The following PCDHGA4 variants were observed in gnomAD, a reference collection of about 807,000 sequenced individuals.
PCDHGA4 encodes the protein protocadherin gamma subfamily A, 4, also known as protocadherin gamma-A4.
A neutral mutation model predicts 54.6 loss-of-function variants in PCDHGA4; 38 were observed. The ratio of observed to expected loss-of-function variants is 0.70; its 90% confidence interval spans 0.54 to 0.91. The LOEUF is 0.91. Ranked by LOEUF, PCDHGA4 falls within the 40% of genes least tolerant of loss-of-function variation. PCDHGA4 has a pLI of 0.00. For missense variants in PCDHGA4, 1,298 were observed against 1,220.9 expected (o/e 1.06, Z -0.94); for synonymous variants, 511 against 512.9 (o/e 1.00, Z 0.05).
chr5:141,506,832 C>T (rs1398190563), intron 3 of PCDHGA4, among the ~76,000 whole-genome samples: 1 of 152,130 alleles, frequency 6.6e-6, no homozygotes, highest in African/African-American at 2.4e-5. Flanking sequence ...GAACTGATAG[C>T]CCTGCCCTCC....
chr5:141,370,350 A>G (rs1454225178), intron 1 of PCDHGA4: 1 of 1,496,326 alleles, frequency 6.7e-7, no homozygotes, highest in Non-Finnish European at 9.0e-7. Flanking sequence ...TTATTTAAAG[A>G]TCTCCTCTCC....
chr5:141,438,471 A>C (rs1019238906), intron 1 of PCDHGA4, among the ~76,000 whole-genome samples: 4 of 151,396 alleles, frequency 2.6e-5, no homozygotes, highest in Admixed American at 2.6e-4. Flanking sequence ...CAATTATTGG[A>C]AAGTGGTCTC....
rs758013542 is a variant in PCDHGA4 at position 141,418,314 on chromosome 5, C to A, written c.2514+60693C>A. 9 of 1,613,988 alleles carry A rather than the reference C, an allele frequency of 5.6e-6. No homozygotes were observed. In the East Asian group the frequency reaches 1.3e-4, roughly 24 times the overall value. On this transcript the variant is annotated intron_variant, in intron 1 of 3. Coordinates refer to ENST00000571252, the MANE Select transcript of PCDHGA4 (RefSeq NM_018917.4). ...GAATCCGTCAGCCTGGGGATGGGAACAATTCTTGAGTCTGCAGAAGATCCT... is the reference window on the plus strand; with the variant it reads ...GAATCCGTCAGCCTGGGGATGGGAAAAATTCTTGAGTCTGCAGAAGATCCT...
Position 141,491,902 on chromosome 5 carries a change from G to C in PCDHGA4, c.2515-2905G>C. On this transcript the variant is annotated intron_variant, in intron 1 of 3. Transcript: ENST00000571252. This position sits in a 1 kb window ranked among gnomAD's most constrained non-coding sequence, Gnocchi z 6.9. ...AGGGATGGGGCTCCGAGCACCGGGG[G>C]TGGTGGCGACTGTGGGCGAGGGGAG... 7.0e-7 allele frequency: 1 copy of C among 1,429,002 alleles called. No individual in the cohort carries two copies. Among genetic ancestry groups the C allele is most frequent in the Non-Finnish European group, 9.3e-7 (1 of 1,079,426 alleles). The allele number at this position is 1,429,002 out of a possible 1,614,324, so 88.5% of individuals were successfully genotyped here. A position where few individuals can be genotyped will look rare whatever the true frequency, so the allele number is the denominator to read the frequency against.
At chr5:141,430,687 T>A in intron 1 of PCDHGA4, 3 of 1,399,922 alleles carry the variant, frequency 2.1e-6, no homozygotes, top group Non-Finnish European at 9.5e-7. Flanking sequence ...TGTCCCATTC[T>A]ATGGGCGAAG....
At chr5:141,422,897 A>AT (rs778069795) in intron 1 of PCDHGA4, 4 of 1,614,212 alleles carry the variant, frequency 2.5e-6, no homozygotes, top group Non-Finnish European at 3.4e-6. Flanking sequence ...CTGGACCAGA[A>AT]CGACAATGCG....
At chr5:141,365,645 C>G in intron 1 of PCDHGA4, 1 of 1,613,572 alleles carries the variant, frequency 6.2e-7, no homozygotes, top group East Asian at 2.2e-5. Flanking sequence ...AAGCCACATC[C>G]CCTTGAAAGT....
chr5:141,449,854 T>C (rs769118919), intron 1 of PCDHGA4, among the ~76,000 whole-genome samples: 7 of 151,974 alleles, frequency 4.6e-5, no homozygotes, highest in South Asian at 4.1e-4. Context: ...ATTTTAATAA[T>C]AAAAATCAGA....
intron 1 of PCDHGA4, among the ~76,000 whole-genome samples, chr5:141,447,725 C>T (rs1009407606): frequency 1.3e-5 from 2 of 152,174 alleles, no homozygotes; most frequent in African/African-American, 4.8e-5. Context: ...TTTTCCAAAA[C>T]TCATTGAACT....
At chr5:141,403,772 A>G in intron 1 of PCDHGA4, 1 of 1,613,960 alleles carries the variant, frequency 6.2e-7, no homozygotes, top group Middle Eastern at 1.7e-4. Flanking sequence ...TGAGGGAATC[A>G]ACGGAAAAGT....
In PCDHGA4 at chr5:141,486,223, C is replaced by G. The variant is rs1164723634; in HGVS notation, c.2515-8584C>G. ...ACGTAAATGACAATGCCCCTTACATCACAGTGACCTCAGAGCTTGGAACCC... is the reference window on the plus strand; with the variant it reads ...ACGTAAATGACAATGCCCCTTACATGACAGTGACCTCAGAGCTTGGAACCC... On this transcript the variant is annotated intron_variant, in intron 1 of 3. Coordinates refer to ENST00000571252, the MANE Select transcript of PCDHGA4 (RefSeq NM_018917.4). The surrounding 1 kb of genome is among the most constrained non-coding windows in gnomAD (Gnocchi z 5.0). The G allele has an allele frequency of 6.2e-7, 1 of 1,614,148 alleles. No homozygotes were observed. Among genetic ancestry groups the G allele is most frequent in the Admixed American group, 1.7e-5 (1 of 60,032 alleles).
At chr5:141,394,733 G>A (rs1353984219) in intron 1 of PCDHGA4, 1 of 1,613,324 alleles carries the variant, frequency 6.2e-7, no homozygotes, top group South Asian at 1.1e-5. Flanking sequence ...CGCTCAAGCA[G>A]AGCCTCGTGG....
intron 1 of PCDHGA4, among the ~76,000 whole-genome samples, chr5:141,449,103 A>G (rs1033077737): frequency 2.0e-5 from 3 of 152,206 alleles, no homozygotes; most frequent in African/African-American, 7.2e-5. Context: ...CATATGCAGT[A>G]TATCTTTGGG....
rs1317717658 is a variant in PCDHGA4, at chr5:141,476,494, G to A, written c.2515-18313G>A. On this transcript the variant is annotated intron_variant, in intron 1 of 3. Coordinates refer to ENST00000571252, the MANE Select transcript of PCDHGA4 (RefSeq NM_018917.4). The surrounding 1 kb of genome is among the most constrained non-coding windows in gnomAD (Gnocchi z 7.6). ...TGTTCAGCGTGGAAGTGGTGATCCA[G>A]GACATCAACGACAACAATCCTGCTT... The A allele has an allele frequency of 6.2e-7, 1 of 1,614,012 alleles. No individual in the cohort carries two copies. The highest frequency in any genetic ancestry group is 8.5e-7 in the Non-Finnish European group (1 of 1,179,988).
chr5:141,393,127 A>T (rs766823317), intron 1 of PCDHGA4: 14 of 1,613,320 alleles, frequency 8.7e-6, no homozygotes, highest in Non-Finnish European at 1.2e-5. Flanking sequence ...TGTCTGATAA[A>T]TATTAACACC....
chr5:141,477,080 A>C lies in PCDHGA4; in HGVS notation c.2515-17727A>C. 1 of 1,614,254 alleles carries C rather than the reference A, an allele frequency of 6.2e-7. No homozygotes were observed. ...GGACACCAAACTCCATGAGATTTAC[A>C]TCCAGGCCAAAGACAAGGGCGCCAA... On this transcript the variant is annotated intron_variant, in intron 1 of 3. Coordinates refer to ENST00000571252, the MANE Select transcript of PCDHGA4 (RefSeq NM_018917.4). This position sits in a 1 kb window ranked among gnomAD's most constrained non-coding sequence, Gnocchi z 4.9.
intron 2 of PCDHGA4, among the ~76,000 whole-genome samples, chr5:141,502,865 T>C (rs538731947): frequency 3.0e-5 from 4 of 131,428 alleles, no homozygotes; most frequent in Non-Finnish European, 6.3e-5. Context: ...TGACTCTCTG[T>C]CTTTTTTTTT....
Position 141,485,400 on chromosome 5 carries a change from G to A in PCDHGA4, c.2515-9407G>A. On this transcript the variant is annotated intron_variant, in intron 1 of 3. Transcript: ENST00000571252. The surrounding 1 kb of genome is among the most constrained non-coding windows in gnomAD (Gnocchi z 5.7). ...GGAGAGGTGAACCAAAGACACTTCC[G>A]TGTGGATTTGGACAGCGGAGCCCTG... is the stretch of plus-strand genomic sequence containing the variant. The A allele has an allele frequency of 6.2e-7, 1 of 1,614,076 alleles. No homozygotes were observed. The highest frequency in any genetic ancestry group is 8.5e-7 in the Non-Finnish European group (1 of 1,179,948).
intron 1 of PCDHGA4, chr5:141,361,644 C>T (rs1762109660): frequency 6.2e-7 from 1 of 1,613,846 alleles, no homozygotes; most frequent in Non-Finnish European, 8.5e-7. Context: ...AGATTTTATC[C>T]TACGTGTCCG....
Sources: allele counts gnomAD v4.1 joint callset (sites outside exome capture counted in the v4.1 genomes callset), GRCh38; gene constraint gnomAD v4.1.1; non-coding constraint Gnocchi (gnomAD v3.1); transcripts MANE v1.5; gene names NCBI Gene and HGNC (gene_info 2026-07-23, HGNC 2026-07-21).